Variants in CNTNAP5 observed in about 807,000 individuals in gnomAD.
CNTNAP5 encodes the protein contactin-associated protein-like 5.
A neutral mutation model predicts 150.2 loss-of-function variants in CNTNAP5; 72 were observed. That is an observed-to-expected ratio of 0.48 (90% CI 0.40 to 0.58). The LOEUF (loss-of-function observed/expected upper bound fraction) is 0.58, where lower values mean the gene tolerates loss of function less well. Ranked by LOEUF, CNTNAP5 falls within the 20% of genes least tolerant of loss-of-function variation. CNTNAP5 has a pLI of 0.00. For synonymous variants in CNTNAP5, 672 were observed against 619.8 expected (o/e 1.08, Z -1.25); for missense variants, 1,636 against 1,626.2 (o/e 1.01, Z -0.10).
chr2:124,735,755 A>G (rs1680368704), intron 13 of CNTNAP5, among the ~76,000 whole-genome samples: 1 of 152,086 alleles, frequency 6.6e-6, no homozygotes, highest in Admixed American at 6.6e-5. Context: ...GATTTTGGGG[A>G]ATTTGCTAAT....
At chr2:124,659,995 C>G (rs1160791395) in intron 13 of CNTNAP5, among the ~76,000 whole-genome samples, 1 of 137,536 alleles carries the variant, frequency 7.3e-6, no homozygotes, top group African/African-American at 2.8e-5. Context: ...TAAGGAGTCA[C>G]AGAGGATGGA....
At chr2:124,450,556 CAAAAAAAAAAAA>C (rs11299541) in intron 6 of CNTNAP5, among the ~76,000 whole-genome samples, 3 of 65,000 alleles carry the variant, frequency 4.6e-5, no homozygotes, top group Non-Finnish European at 8.4e-5. Flanking sequence ...AATCTGCTGT[CAAAAAAAAAAAA>C]AAAAAAAAAA....
intron 6 of CNTNAP5, among the ~76,000 whole-genome samples, chr2:124,461,329 A>G (rs984594308): frequency 9.9e-5 from 15 of 152,088 alleles, no homozygotes; most frequent in African/African-American, 3.6e-4. Context: ...CATATACACC[A>G]TGGAATACTA....
At chr2:124,501,258 G>A (rs1694273072) in intron 7 of CNTNAP5, among the ~76,000 whole-genome samples, 1 of 152,174 alleles carries the variant, frequency 6.6e-6, no homozygotes, top group African/African-American at 2.4e-5. Flanking sequence ...AAAGGATCAG[G>A]TCACATTTAT....
intron 17 of CNTNAP5, among the ~76,000 whole-genome samples, chr2:124,785,418 A>G (rs1681546607): frequency 6.6e-6 from 1 of 152,212 alleles, no homozygotes; most frequent in Admixed American, 6.5e-5. Context: ...TGTGTTTTAA[A>G]AAATTGACAA....
intron 17 of CNTNAP5, among the ~76,000 whole-genome samples, chr2:124,782,359 A>G (rs1466345121): frequency 6.6e-6 from 1 of 152,130 alleles, no homozygotes; most frequent in South Asian, 2.1e-4. Flanking sequence ...ATATTTCAGT[A>G]TTTTATCCTT....
At chr2:124,353,817 G>A (rs1394369213) in intron 3 of CNTNAP5, among the ~76,000 whole-genome samples, 1 of 152,196 alleles carries the variant, frequency 6.6e-6, no homozygotes, top group African/African-American at 2.4e-5. Context: ...TCTGGGTATT[G>A]TAGTTTTTCA....
chr2:124,883,613 T>C (rs1282254885), intron 21 of CNTNAP5, among the ~76,000 whole-genome samples: 1 of 152,126 alleles, frequency 6.6e-6, no homozygotes, highest in Non-Finnish European at 1.5e-5. Flanking sequence ...TATATGTATG[T>C]CCATGTGTGG....
chr2:124,133,147 C>CA (rs1302719161), intron 1 of CNTNAP5, among the ~76,000 whole-genome samples: 1 of 151,750 alleles, frequency 6.6e-6, no homozygotes, highest in African/African-American at 2.4e-5. Context: ...TTTGAAAATG[C>CA]AAAAAAGGTA....
intron 19 of CNTNAP5, among the ~76,000 whole-genome samples, chr2:124,812,479 C>G (rs1682258200): frequency 1.3e-5 from 2 of 152,094 alleles, no homozygotes; most frequent in Non-Finnish European, 2.9e-5. Flanking sequence ...ATTATACCCT[C>G]CCCACTTTTG....
At position 124,262,127 on chromosome 2, in the gene CNTNAP5, C is replaced by T. The variant is rs533763392; in HGVS notation, c.381+19734C>T. On this transcript the variant is annotated intron_variant, in intron 3 of 23. Coordinates refer to ENST00000682447, the MANE Select transcript of CNTNAP5 (RefSeq NM_001367498.1). Reference sequence around the variant, plus strand: ...AGGCATGGTGGCATGCACCTGTAGTCTGAGCTACTCTGGAGGCTGAGGTGG... The same window carrying T: ...AGGCATGGTGGCATGCACCTGTAGTTTGAGCTACTCTGGAGGCTGAGGTGG... Among the ~76,000 whole-genome samples the T allele has an allele frequency of 2.6e-5, 4 of 151,932 alleles. No individual in the cohort carries two copies. The East Asian group carries it at 7.8e-4, about 30-fold the overall frequency.
intron 17 of CNTNAP5, among the ~76,000 whole-genome samples, chr2:124,785,970 T>A (rs1573615653): frequency 6.6e-6 from 1 of 152,248 alleles, no homozygotes; most frequent in East Asian, 1.9e-4. Context: ...CCGTTGTGGT[T>A]CACACCTGTA....
At chr2:124,211,113 T>C (rs561105261) in intron 1 of CNTNAP5, among the ~76,000 whole-genome samples, 9 of 152,286 alleles carry the variant, frequency 5.9e-5, no homozygotes, top group African/African-American at 2.2e-4. Context: ...AAGTAATGCA[T>C]AAACAACACA....
intron 10 of CNTNAP5, among the ~76,000 whole-genome samples, chr2:124,529,110 GC>G (rs2104892366): frequency 7.1e-6 from 1 of 141,454 alleles, no homozygotes; most frequent in East Asian, 2.1e-4. Flanking sequence ...TAAAATATGT[GC>G]TTCATTAAAA....
At chr2:124,387,539 G>A (rs1002840737) in intron 3 of CNTNAP5, among the ~76,000 whole-genome samples, 40 of 152,114 alleles carry the variant, frequency 2.6e-4, no homozygotes, top group African/African-American at 9.4e-4. Flanking sequence ...AATGTTTTGC[G>A]GGCAGGGTGG....
intron 19 of CNTNAP5, among the ~76,000 whole-genome samples, chr2:124,811,708 G>GGGC (rs1553445035): frequency 2.0e-5 from 3 of 149,728 alleles, no homozygotes; most frequent in South Asian, 2.1e-4. Flanking sequence ...TTAGGAGGCG[G>GGGC]GGGGGGTGGA....
At chr2:124,821,692 G>A (rs971481255) in intron 19 of CNTNAP5, among the ~76,000 whole-genome samples, 1 of 152,128 alleles carries the variant, frequency 6.6e-6, no homozygotes, top group Admixed American at 6.5e-5. Flanking sequence ...TCTTAGGAGA[G>A]GCTATAGCAG....
chr2:124,921,002 T>G lies in CNTNAP5; in HGVS notation c.*6714T>G, dbSNP rs556852698. On this transcript the variant is annotated 3_prime_UTR_variant, in exon 24 of 24. Transcript: ENST00000682447. Reference sequence around the variant, plus strand: ...TACCTTTTCCTTTTTATCTTCTGATTTTTGTTCCTAAAATAAAATCCCAAG... The same window carrying G: ...TACCTTTTCCTTTTTATCTTCTGATGTTTGTTCCTAAAATAAAATCCCAAG... Among the ~76,000 whole-genome samples, 1 of 152,262 alleles carries G rather than the reference T, an allele frequency of 6.6e-6. No individual in the cohort carries two copies. Among genetic ancestry groups the G allele is most frequent in the East Asian group, 1.9e-4 (1 of 5,168 alleles).
At chr2:124,557,878 A>G (rs913869265) in intron 10 of CNTNAP5, among the ~76,000 whole-genome samples, 13 of 152,134 alleles carry the variant, frequency 8.5e-5, no homozygotes, top group Admixed American at 7.9e-4. Flanking sequence ...AAGAACCCTG[A>G]CAAGGTAGCA....
Sources: gnomAD v4.1 joint callset for allele counts (sites outside exome capture counted in the v4.1 genomes callset) on GRCh38, gnomAD v4.1.1 for gene constraint, MANE v1.5 for transcripts, NCBI Gene and HGNC (gene_info 2026-07-23, HGNC 2026-07-21) for gene names.